The following RBFOX3 variants were observed in gnomAD, a reference collection of about 807,000 sequenced individuals.
RBFOX3 encodes the protein RNA binding fox-1 homolog 3.
Under a neutral mutation model 48.7 loss-of-function variants are expected in RBFOX3, and 17 were observed. That is an observed-to-expected ratio of 0.35 (90% CI 0.24 to 0.52). The LOEUF is 0.52. RBFOX3 is among the 20% of genes least tolerant of loss of function. The pLI is 0.94. For missense variants in RBFOX3, 382 were observed against 497.5 expected, an observed-to-expected ratio of 0.77 and a Z score of 2.21; for synonymous variants, 212 against 209.5, an observed-to-expected ratio of 1.01 and a Z score of -0.10.
chr17:79,341,736 T>TGAGCTCC (rs2082124573), intron 2 of RBFOX3, among the ~76,000 whole-genome samples: 1 of 152,168 alleles, frequency 6.6e-6, no homozygotes, highest in African/African-American at 2.4e-5. Context: ...TTCTGAGTTC[T>TGAGCTCC]GAGCTCCAGG....
chr17:79,546,176 T>C (rs1455877784), intron 1 of RBFOX3, among the ~76,000 whole-genome samples: 1 of 152,190 alleles, frequency 6.6e-6, no homozygotes, highest in African/African-American at 2.4e-5. Context: ...ATATTCCACC[T>C]GCCACCACTG....
rs1217372190 is a variant in RBFOX3, at chr17:79,242,919, G to T, written c.-73-7114C>A. ...CTAGGCACTCTAGGCCTTCAGCTGTGCTCCAGTGGGGCCTTACTCCTCCTC... is the reference window on the plus strand; with the variant it reads ...CTAGGCACTCTAGGCCTTCAGCTGTTCTCCAGTGGGGCCTTACTCCTCCTC... On this transcript the variant is annotated intron_variant, in intron 3 of 14. Coordinates refer to ENST00000693108, the MANE Select transcript of RBFOX3 (RefSeq NM_001350451.2). This position sits in a 1 kb window ranked among gnomAD's most constrained non-coding sequence, Gnocchi z 5.8. 6.6e-6 allele frequency among the ~76,000 whole-genome samples: 1 copy of T among 152,180 alleles called. No homozygotes were observed. Among genetic ancestry groups the T allele is most frequent in the Non-Finnish European group, 1.5e-5 (1 of 68,026 alleles).
intron 4 of RBFOX3, among the ~76,000 whole-genome samples, chr17:79,194,984 T>A (rs967505249): frequency 2.0e-5 from 3 of 152,118 alleles, no homozygotes; most frequent in African/African-American, 7.2e-5. Context: ...TGCATTATGC[T>A]TCTATTGGGC....
At chr17:79,555,117 T>C (rs1371732004) in intron 1 of RBFOX3, among the ~76,000 whole-genome samples, 9 of 152,254 alleles carry the variant, frequency 5.9e-5, no homozygotes, top group Admixed American at 5.2e-4. Flanking sequence ...ATAGTTTCTC[T>C]GTGCCTCAGA....
At chr17:79,655,719 C>T in the RBFOX3 span, among the ~76,000 whole-genome samples, 138 of 152,272 alleles carry the variant, frequency 9.1e-4, 2 homozygotes, top group South Asian at 0.016. Flanking sequence ...CCCATGATCT[C>T]TCTATAAGAA....
At chr17:79,619,453 T>C in the RBFOX3 span, among the ~76,000 whole-genome samples, 3 of 152,198 alleles carry the variant, frequency 2.0e-5, no homozygotes, top group Non-Finnish European at 2.9e-5. Flanking sequence ...CCGGGGCTTG[T>C]GGCTGCGTCT....
Position 79,299,907 on chromosome 17 carries a change from C to CT in RBFOX3, c.-74+7816dup, listed in dbSNP as rs879903980. 4.8e-3 allele frequency among the ~76,000 whole-genome samples: 682 copies of CT among 143,530 alleles called. 5 individuals carry two copies. Among genetic ancestry groups the CT allele is most frequent in the Middle Eastern group, 0.011 (3 of 272 alleles). The allele number at this position is 143,530 out of a possible 152,430, so 94.2% of individuals were successfully genotyped here. ...GCCTCCAAAGGAATCTGCCGACACT[C>CT]TTTTTTTTTTTTTTTGAGACAGTGT... On this transcript the variant is annotated intron_variant, in intron 3 of 14. Transcript: ENST00000693108. This position sits in a 1 kb window ranked among gnomAD's most constrained non-coding sequence, Gnocchi z 4.5.
chr17:79,226,850 G>C (rs185004198), intron 4 of RBFOX3, among the ~76,000 whole-genome samples: 54 of 152,298 alleles, frequency 3.5e-4, no homozygotes, highest in Non-Finnish European at 7.4e-4. Flanking sequence ...AAGAGGGAGC[G>C]TGAGGCTGGC....
chr17:79,359,138 G>A (rs1004483024), intron 2 of RBFOX3, among the ~76,000 whole-genome samples: 1 of 152,342 alleles, frequency 6.6e-6, no homozygotes, highest in South Asian at 2.1e-4. Context: ...ATTCAAATGG[G>A]TTAGACGGAT....
At position 79,473,213 on chromosome 17, in the gene RBFOX3, C is replaced by A. The variant is rs1354483055; in HGVS notation, c.-175+9241G>T. ...ACTCAGTTGCAGGGATCAGGAGCAG[C>A]ACCTCACGGGCTGGCACCCATCCAC... On this transcript the variant is annotated intron_variant, in intron 2 of 14. Transcript: ENST00000693108. This position sits in a 1 kb window ranked among gnomAD's most constrained non-coding sequence, Gnocchi z 4.2. Among the ~76,000 whole-genome samples, 1 of 152,240 alleles carries A rather than the reference C, an allele frequency of 6.6e-6. No homozygotes were observed. The highest frequency in any genetic ancestry group is 2.4e-5 in the African/African-American group (1 of 41,464).
intron 2 of RBFOX3, among the ~76,000 whole-genome samples, chr17:79,402,776 G>A (rs755955896): frequency 6.6e-6 from 1 of 152,148 alleles, no homozygotes; most frequent in Admixed American, 6.5e-5. Context: ...TGGACAGCCC[G>A]GGGTCAGAGC....
At chr17:79,505,294 T>C (rs2082937850) in intron 1 of RBFOX3, among the ~76,000 whole-genome samples, 1 of 152,094 alleles carries the variant, frequency 6.6e-6, no homozygotes, top group African/African-American at 2.4e-5. Flanking sequence ...CCCATCCCAC[T>C]GCCAGCACCT....
At chr17:79,155,106 C>T (rs529923937) in intron 4 of RBFOX3, among the ~76,000 whole-genome samples, 15 of 152,358 alleles carry the variant, frequency 9.8e-5, no homozygotes, top group East Asian at 9.7e-4. Flanking sequence ...CAGCGGTTCC[C>T]GGGGCAGCAG....
At chr17:79,509,100 G>A (rs932907785) in intron 1 of RBFOX3, among the ~76,000 whole-genome samples, 1 of 152,030 alleles carries the variant, frequency 6.6e-6, no homozygotes, top group Non-Finnish European at 1.5e-5. Flanking sequence ...TTCTTTGGCC[G>A]GTCTGAATGA....
intron 4 of RBFOX3, among the ~76,000 whole-genome samples, chr17:79,142,993 CAG>C (rs1216873016): frequency 6.6e-6 from 1 of 152,102 alleles, no homozygotes; most frequent in Admixed American, 6.5e-5. Context: ...AGGCCCAGGA[CAG>C]GGACATCCTG....
At chr17:79,408,342 A>G (rs2063824773) in intron 2 of RBFOX3, among the ~76,000 whole-genome samples, 1 of 152,130 alleles carries the variant, frequency 6.6e-6, no homozygotes, top group South Asian at 2.1e-4. Flanking sequence ...CGCAGCACTG[A>G]GCTATGAGGT....
intron 1 of RBFOX3, among the ~76,000 whole-genome samples, chr17:79,571,386 C>T (rs2092672627): frequency 6.6e-6 from 1 of 152,136 alleles, no homozygotes; most frequent in African/African-American, 2.4e-5. Context: ...TACGGCCAGG[C>T]CTCCCTCTCC....
chr17:79,365,550 C>T (rs199604575), intron 2 of RBFOX3, among the ~76,000 whole-genome samples: 7 of 152,244 alleles, frequency 4.6e-5, no homozygotes, highest in African/African-American at 1.2e-4. Context: ...AAATGGATTA[C>T]GGCAAGCCAG....
chr17:79,594,935 G>A (rs890822897), intron 1 of RBFOX3, among the ~76,000 whole-genome samples: 2 of 152,102 alleles, frequency 1.3e-5, no homozygotes, highest in Non-Finnish European at 2.9e-5. Flanking sequence ...TCCATCCCCT[G>A]TGGGTGCCAC....
Sources: allele counts gnomAD v4.1 joint callset (sites outside exome capture counted in the v4.1 genomes callset), GRCh38; gene constraint gnomAD v4.1.1; non-coding constraint Gnocchi (gnomAD v3.1); transcripts MANE v1.5; gene names NCBI Gene and HGNC (gene_info 2026-07-23, HGNC 2026-07-21).